The following BCAS1 variants were observed in gnomAD, a reference collection of about 807,000 sequenced individuals.
BCAS1 encodes breast carcinoma-amplified sequence 1.
Under a neutral mutation model 65.4 loss-of-function variants are expected in BCAS1, and 46 were observed. The ratio of observed to expected loss-of-function variants is 0.70; its 90% CI spans 0.55 to 0.90. The LOEUF (loss-of-function observed/expected upper bound fraction) is 0.90. BCAS1 is among the 40% of genes least tolerant of loss of function. The pLI is 0.00. For synonymous variants in BCAS1, 298 were observed against 293.5 expected, an observed-to-expected ratio of 1.02 and a Z score of -0.16; for missense variants, 793 against 771.2, an observed-to-expected ratio of 1.03 and a Z score of -0.33.
chr20:53,995,892 C>A lies in BCAS1; in HGVS notation c.882G>T (p.Leu294=), dbSNP rs141367561. The A allele has an allele frequency of 1.9e-6, 3 of 1,594,652 alleles. No individual in the cohort carries two copies. The highest frequency in any genetic ancestry group is 2.6e-6 in the Non-Finnish European group (3 of 1,170,406). ...GGGAAAAGAGGAGAAAACTGCTTAC[C>A]AGAGTTTTAAAGAAACTCATGATGG... ...NNSIMSFFKT[L]VSPNKAETKK... Residue 294 remains leucine (L), a splice_region_variant and synonymous_variant, in exon 5 of 13, where the codon CTG becomes CTT. Transcript: ENST00000688948.
At chr20:53,978,023 A>G (rs990944077) in intron 8 of BCAS1, among the ~76,000 whole-genome samples, 64 of 146,110 alleles carry the variant, frequency 4.4e-4, no homozygotes, top group Admixed American at 2.5e-3. Flanking sequence ...ATATCTCCCA[A>G]TGATATCCCT....
intron 3 of BCAS1, among the ~76,000 whole-genome samples, chr20:54,056,757 G>A (rs458990): frequency 0.71 from 108,044 of 152,088 alleles, 38,931 homozygotes; most frequent in East Asian, 0.89. Flanking sequence ...AACCAATGCT[G>A]TAATATACCT....
At chr20:53,945,716 C>T (rs1347296750) in intron 12 of BCAS1, among the ~76,000 whole-genome samples, 1 of 152,170 alleles carries the variant, frequency 6.6e-6, no homozygotes, top group East Asian at 1.9e-4. Flanking sequence ...GCACATGGTA[C>T]CTAGCCTTAA....
intron 4 of BCAS1, among the ~76,000 whole-genome samples, chr20:54,027,461 T>C (rs762850668): frequency 1.2e-4 from 18 of 152,246 alleles, no homozygotes; most frequent in African/African-American, 1.7e-4. Flanking sequence ...CAAAGTTGCA[T>C]TGTATTAAGA....
At chr20:54,032,094 G>C (rs1451230422) in intron 3 of BCAS1, among the ~76,000 whole-genome samples, 1 of 151,126 alleles carries the variant, frequency 6.6e-6, no homozygotes, top group African/African-American at 2.4e-5. Flanking sequence ...GAAAGGCCCG[G>C]TCACCTAAAA....
chr20:54,039,496 A>G (rs1376863368), intron 3 of BCAS1, among the ~76,000 whole-genome samples: 1 of 151,336 alleles, frequency 6.6e-6, no homozygotes, highest in Non-Finnish European at 1.5e-5. Flanking sequence ...AGCAACAGTG[A>G]TGATCAGATA....
chr20:54,003,125 C>A (rs1189974393), intron 4 of BCAS1, among the ~76,000 whole-genome samples: 1 of 151,168 alleles, frequency 6.6e-6, no homozygotes, highest in East Asian at 1.9e-4. Flanking sequence ...ATAAACCTTG[C>A]CTGGTATAAT....
At chr20:53,947,093 G>T (rs1044657236) in intron 12 of BCAS1, among the ~76,000 whole-genome samples, 3 of 152,096 alleles carry the variant, frequency 2.0e-5, no homozygotes, top group African/African-American at 7.2e-5. Context: ...AATTTACCAA[G>T]GAATCAGATT....
chr20:54,004,195 A>G (rs2091128657), intron 4 of BCAS1, among the ~76,000 whole-genome samples: 1 of 152,210 alleles, frequency 6.6e-6, no homozygotes, highest in African/African-American at 2.4e-5. Context: ...CTCTTATAAA[A>G]GAGACCCCAG....
At chr20:54,024,583 A>T (rs758018268) in intron 4 of BCAS1, among the ~76,000 whole-genome samples, 5 of 152,218 alleles carry the variant, frequency 3.3e-5, no homozygotes, top group Non-Finnish European at 7.3e-5. Context: ...TTTGGGACTG[A>T]GGGAAACCTT....
At chr20:54,039,408 T>C (rs976567341) in intron 3 of BCAS1, among the ~76,000 whole-genome samples, 2 of 151,434 alleles carry the variant, frequency 1.3e-5, no homozygotes, top group South Asian at 2.1e-4. Flanking sequence ...GGACATTTAG[T>C]GATGGAAATG....
chr20:54,064,995 A>G (rs1308711834), intron 1 of BCAS1, among the ~76,000 whole-genome samples: 1 of 152,112 alleles, frequency 6.6e-6, no homozygotes, highest in African/African-American at 2.4e-5. Flanking sequence ...GGTAAATGTG[A>G]TGGGAAAGTG....
chr20:54,058,881 T>C (rs1007357137), intron 1 of BCAS1, among the ~76,000 whole-genome samples, 158 bp from the exon 2 acceptor site: 3 of 152,182 alleles, frequency 2.0e-5, no homozygotes, highest in Non-Finnish European at 4.4e-5. Flanking sequence ...CTCACACTGC[T>C]ATGAAGAAAT....
chr20:54,043,008 A>G (rs2092028252), intron 3 of BCAS1, among the ~76,000 whole-genome samples: 1 of 152,200 alleles, frequency 6.6e-6, no homozygotes, highest in African/African-American at 2.4e-5. Flanking sequence ...AATTCAGAAA[A>G]TCCAGCTTTT....
At chr20:53,987,094 C>T (rs2090633855) in intron 7 of BCAS1, among the ~76,000 whole-genome samples, 1 of 152,148 alleles carries the variant, frequency 6.6e-6, no homozygotes, top group South Asian at 2.1e-4. Context: ...TCCCAGGCAG[C>T]ATATTGCTTC....
At chr20:54,055,619 T>C (rs1056436624) in intron 3 of BCAS1, among the ~76,000 whole-genome samples, 4 of 152,028 alleles carry the variant, frequency 2.6e-5, no homozygotes, top group African/African-American at 9.7e-5. Context: ...CAAAACCATA[T>C]CAACTACCAT....
In BCAS1 at chr20:54,057,962, G is replaced by A. The variant is rs1385363497; in HGVS notation, c.142+123C>T. On this transcript the variant is annotated intron_variant, in intron 3 of 12. Coordinates refer to ENST00000688948, the MANE Select transcript of BCAS1 (RefSeq NM_001366298.2). ...ATGGTAGCCCAAGGAACAAACGCAA[G>A]TATTTTCAAACTGAGCCTGCGGCTT... 9.3e-6 allele frequency: 7 copies of A among 756,194 alleles called. No individual in the cohort carries two copies. The Admixed American group carries it at 1.5e-4, about 16-fold the overall frequency. The allele number at this position is 756,194 out of a possible 1,614,324, so 46.8% of individuals were successfully genotyped here.
chr20:53,996,461 T>TGAAAAA, intron 4 of BCAS1, among the ~76,000 whole-genome samples: 1 of 92,208 alleles, frequency 1.1e-5, no homozygotes, highest in Non-Finnish European at 2.4e-5. Context: ...TTATATCAAC[T>TGAAAAA]AAAAAAAAAA....
At chr20:54,056,637 T>C (rs889139534) in intron 3 of BCAS1, among the ~76,000 whole-genome samples, 5 of 152,098 alleles carry the variant, frequency 3.3e-5, no homozygotes, top group Non-Finnish European at 7.4e-5. Flanking sequence ...GAGCCCCCAA[T>C]AGTTCAGGTT....
Sources: gnomAD v4.1 joint callset for allele counts (sites outside exome capture counted in the v4.1 genomes callset) on GRCh38, gnomAD v4.1.1 for gene constraint, MANE v1.5 for transcripts, NCBI Gene and HGNC (gene_info 2026-07-23, HGNC 2026-07-21) for gene names.